Variants in FRY observed in about 807,000 individuals in gnomAD.
FRY encodes FRY microtubule binding protein, also known as protein furry homolog.
In FRY, 128 loss-of-function variants were observed where a neutral mutation model predicts 348.4. The ratio of observed to expected loss-of-function variants is 0.37; its 90% CI spans 0.32 to 0.43. The LOEUF (loss-of-function observed/expected upper bound fraction) is 0.43, where lower values mean the gene tolerates loss of function less well. Among genes scored for constraint, FRY ranks in the 20% least tolerant of loss-of-function variants. FRY has a pLI of 1.00. For synonymous variants in FRY, 1,370 were observed against 1,374.7 expected (o/e 1.00, Z 0.08); for missense variants, 2,736 against 3,695.2 (o/e 0.74, Z 6.73).
chr13:32,212,472 AT>A, intron 35 of FRY, 90 bp downstream of exon 35: 3 of 827,174 alleles, frequency 3.6e-6, no homozygotes, highest in Non-Finnish European at 6.1e-6. Context: ...AGTTTCATAA[AT>A]TTTACACGTA....
chr13:32,077,582 G>A (rs976178558), intron 1 of FRY, among the ~76,000 whole-genome samples: 10 of 152,150 alleles, frequency 6.6e-5, no homozygotes, highest in African/African-American at 2.4e-4. Context: ...GTGAGGGAGA[G>A]TCGTCTGTGT....
At chr13:32,103,668 A>T (rs1255032638) in intron 3 of FRY, among the ~76,000 whole-genome samples, 5 of 152,232 alleles carry the variant, frequency 3.3e-5, no homozygotes, top group African/African-American at 7.2e-5. Flanking sequence ...AATAAGAAAA[A>T]AAAAGAATAA....
intron 11 of FRY, among the ~76,000 whole-genome samples, chr13:32,137,763 T>C (rs1312789675): frequency 1.3e-5 from 2 of 152,270 alleles, no homozygotes; most frequent in Non-Finnish European, 2.9e-5. Flanking sequence ...ACCAGTTTGA[T>C]ATTAGCTGCT....
At chr13:32,095,984 T>TTTCC (rs1370770879) in intron 2 of FRY, among the ~76,000 whole-genome samples, 1 of 151,908 alleles carries the variant, frequency 6.6e-6, no homozygotes, top group African/African-American at 2.4e-5. Flanking sequence ...TTATTCCCTC[T>TTTCC]TTCCTTCCTT....
intron 7 of FRY, among the ~76,000 whole-genome samples, chr13:32,125,914 G>A (rs1277824929): frequency 6.6e-6 from 1 of 152,078 alleles, no homozygotes; most frequent in African/African-American, 2.4e-5. Flanking sequence ...CTCAACCGCT[G>A]GTGGCAACAG....
intron 1 of FRY, among the ~76,000 whole-genome samples, chr13:32,039,675 C>T (rs1872677436): frequency 6.6e-6 from 1 of 152,122 alleles, no homozygotes; most frequent in Non-Finnish European, 1.5e-5. Context: ...TTATATTCTG[C>T]CAGCATATCA....
At chr13:32,125,557 G>A (rs1208084326) in intron 7 of FRY, among the ~76,000 whole-genome samples, 3 of 152,172 alleles carry the variant, frequency 2.0e-5, no homozygotes. Context: ...ATGCCAGGAG[G>A]TCAGCTTAAA....
rs117372997 is a variant in FRY at position 32,124,751 on chromosome 13, C to T, written c.636-44C>T. ...ACTAAATCAGTGGTTTGCTTTTTTC[C>T]GATGACCAGGGATCCCTAACTTGTC... On this transcript the variant is annotated intron_variant, in intron 6 of 60. Coordinates refer to ENST00000542859, the MANE Select transcript of FRY (RefSeq NM_023037.3). 1,297 of 1,545,082 alleles carry T rather than the reference C, an allele frequency of 8.4e-4. 12 individuals are homozygous for T. The African/African-American group carries it at 0.015, about 18-fold the overall frequency.
intron 26 of FRY, 65 bp from the exon 27 acceptor site, chr13:32,186,195 A>T: frequency 8.5e-7 from 1 of 1,177,752 alleles, no homozygotes; most frequent in Non-Finnish European, 1.3e-6. Context: ...AATGTAAGAA[A>T]TATATATAAT....
rs147505570 is a variant in FRY at position 32,109,654 on chromosome 13, G to T, written c.324+7638G>T. Among the ~76,000 whole-genome samples the T allele has an allele frequency of 5.3e-4, 80 of 152,262 alleles. 1 individual carries two copies. The East Asian group carries it at 0.014, about 28-fold the overall frequency. ...CCCATTGCAGTGGGTAGTAGGAGCC[G>T]TGCTGAGGGGTCTAGATTATTTTCT... is the stretch of plus-strand genomic sequence containing the variant. On this transcript the variant is annotated intron_variant, in intron 3 of 60. Transcript: ENST00000542859.
At chr13:32,264,578 T>A (rs975846685) in intron 53 of FRY, among the ~76,000 whole-genome samples, 2 of 152,124 alleles carry the variant, frequency 1.3e-5, no homozygotes, top group African/African-American at 4.8e-5. Flanking sequence ...TTCCTTCCTC[T>A]CCTAAAGAAC....
chr13:32,243,982 G>A (rs190139451), intron 46 of FRY, 60 bp from the exon 47 acceptor site: 213 of 1,580,126 alleles, frequency 1.3e-4, no homozygotes, highest in Middle Eastern at 3.4e-4. Flanking sequence ...TGGAAAACAC[G>A]GGTCCTTCCA....
In FRY at chr13:32,235,382, G is replaced by A. The variant is rs570669816; in HGVS notation, c.5715+621G>A. ...CTCAAGCCTATAATCCTAGCACTTT[G>A]AGAGGCCATGGCGGGCAGATCACTT... On this transcript the variant is annotated intron_variant, in intron 42 of 60. Transcript: ENST00000542859. Among the ~76,000 whole-genome samples the A allele has an allele frequency of 2.2e-3, 336 of 152,336 alleles. 1 individual carries two copies. Among genetic ancestry groups the A allele is most frequent in the African/African-American group, 7.6e-3 (316 of 41,572 alleles).
intron 22 of FRY, among the ~76,000 whole-genome samples, 174 bp downstream of exon 22, chr13:32,179,207 C>T (rs1329824064): frequency 6.6e-6 from 1 of 152,000 alleles, no homozygotes; most frequent in Non-Finnish European, 1.5e-5. Flanking sequence ...TTTATTACTC[C>T]TCCCTGACAA....
At position 32,184,675 on chromosome 13, in the gene FRY, G is replaced by C; in HGVS notation, c.3130G>C (p.Gly1044Arg). The change falls in exon 25 of 61, where the codon GGT becomes CGT. Residue 1044 changes from glycine (G) to arginine (R), a missense_variant. Physicochemically the swap from Gly to Arg is moderately radical, Grantham distance 125. This residue lies in a region of FRY where 449 missense variants were observed against 576.9 expected (regional missense o/e 0.78). Transcript: ENST00000542859. ...AATTTTTGAACTTTTGGCTGATGCT[G>C]GTGTAATAAGTGACAGGTAGGATCA... Reference protein sequence around the residue: ...LRIFELLADAGVISDSTNGAL... With the variant: ...LRIFELLADARVISDSTNGAL... 1 of 1,600,018 alleles carries C rather than the reference G, an allele frequency of 6.2e-7. No individual in the cohort carries two copies. The highest frequency in any genetic ancestry group is 8.6e-7 in the Non-Finnish European group (1 of 1,167,120).
intron 8 of FRY, among the ~76,000 whole-genome samples, chr13:32,133,238 T>C (rs960865204): frequency 6.6e-6 from 1 of 152,226 alleles, no homozygotes; most frequent in African/African-American, 2.4e-5. Flanking sequence ...GGGGGGACTA[T>C]GTATCAAACT....
chr13:32,095,183 T>G (rs1279776577), intron 2 of FRY, among the ~76,000 whole-genome samples: 1 of 91,540 alleles, frequency 1.1e-5, no homozygotes, highest in Non-Finnish European at 2.3e-5. Context: ...GCCCATTTTT[T>G]GATCGGATGA....
At chr13:32,066,761 C>T (rs534136941) in intron 1 of FRY, among the ~76,000 whole-genome samples, 10 of 152,296 alleles carry the variant, frequency 6.6e-5, no homozygotes, top group African/African-American at 2.4e-4. Context: ...TTCCAGAAAC[C>T]CACTGGCTCC....
chr13:32,286,276 G>A (rs1017708305), intron 58 of FRY, among the ~76,000 whole-genome samples: 1 of 152,016 alleles, frequency 6.6e-6, no homozygotes, highest in African/African-American at 2.4e-5. Flanking sequence ...GGGTTTTATT[G>A]GATTAGAAAC....
Sources: gnomAD v4.1 joint callset for allele counts (sites outside exome capture counted in the v4.1 genomes callset) on GRCh38, gnomAD v4.1.1 for gene constraint, gnomAD v4.1.1 regional missense constraint, MANE v1.5 for transcripts, NCBI Gene and HGNC (gene_info 2026-07-23, HGNC 2026-07-21) for gene names.